AFF3: variants seen among roughly 807,000 people sequenced by gnomAD.
AFF3 encodes ALF transcription elongation factor 3.
Under a neutral mutation model 129.7 loss-of-function variants are expected in AFF3, and 32 were observed. The ratio of observed to expected loss-of-function variants is 0.25; its 90% CI spans 0.19 to 0.33. The LOEUF is 0.33. AFF3 is among the 10% of genes least tolerant of loss of function. The pLI, the probability that AFF3 is intolerant of heterozygous loss-of-function variation, is 1.00. For synonymous variants in AFF3, 644 were observed against 635.4 expected (o/e 1.01, Z -0.20); for missense variants, 1,373 against 1,592.0 (o/e 0.86, Z 2.34).
At chr2:99,866,637 C>T (rs925421170) in intron 7 of AFF3, among the ~76,000 whole-genome samples, 3 of 152,056 alleles carry the variant, frequency 2.0e-5, no homozygotes, top group Non-Finnish European at 2.9e-5. Flanking sequence ...GTCTGGGTCA[C>T]GCTGGGTCAT....
intron 7 of AFF3, among the ~76,000 whole-genome samples, chr2:99,908,655 G>A (rs1242241905): frequency 6.6e-6 from 1 of 152,118 alleles, no homozygotes; most frequent in Non-Finnish European, 1.5e-5. Flanking sequence ...CCATCAAAAA[G>A]TGGACAAAGG....
At chr2:99,759,843 T>C (rs545932315) in intron 8 of AFF3, among the ~76,000 whole-genome samples, 1 of 152,348 alleles carries the variant, frequency 6.6e-6, no homozygotes, top group African/African-American at 2.4e-5. Context: ...CAAGGGCGAA[T>C]GGACTATCCT....
intron 8 of AFF3, among the ~76,000 whole-genome samples, chr2:99,793,855 G>C (rs1250267441): frequency 6.6e-6 from 1 of 152,042 alleles, no homozygotes; most frequent in Non-Finnish European, 1.5e-5. Flanking sequence ...GATTCTTAAG[G>C]TGGAAACTCA....
chr2:99,793,798 T>C (rs1685375332), intron 8 of AFF3, among the ~76,000 whole-genome samples: 1 of 152,192 alleles, frequency 6.6e-6, no homozygotes, highest in Admixed American at 6.5e-5. Context: ...ATCTTTATTA[T>C]TTCTTCCTTC....
At chr2:99,814,787 T>C (rs191780851) in intron 8 of AFF3, among the ~76,000 whole-genome samples, 151 of 151,532 alleles carry the variant, frequency 1.0e-3, no homozygotes, top group African/African-American at 3.5e-3. Flanking sequence ...AGGCCCAAGG[T>C]GGAGGAAGGA....
At chr2:99,724,423 C>A (rs1242474441) in intron 11 of AFF3, among the ~76,000 whole-genome samples, 1 of 151,860 alleles carries the variant, frequency 6.6e-6, no homozygotes, top group Non-Finnish European at 1.5e-5. Flanking sequence ...CAGGCGCATG[C>A]CACCACACTC....
At chr2:99,877,952 A>G (rs559141515) in intron 7 of AFF3, among the ~76,000 whole-genome samples, 1 of 152,338 alleles carries the variant, frequency 6.6e-6, no homozygotes, top group South Asian at 2.1e-4. Flanking sequence ...GGATGAACAC[A>G]TCAAATCAAA....
At chr2:99,551,927 G>A (rs768006679) in intron 24 of AFF3, among the ~76,000 whole-genome samples, 2 of 152,074 alleles carry the variant, frequency 1.3e-5, no homozygotes, top group Non-Finnish European at 2.9e-5. Context: ...TGGCTCTGTC[G>A]TCCCTCACCC....
chr2:99,848,249 C>CAAAAA, intron 7 of AFF3, among the ~76,000 whole-genome samples: 1 of 59,394 alleles, frequency 1.7e-5, no homozygotes, highest in Non-Finnish European at 4.4e-5. Flanking sequence ...GACTCTGCCT[C>CAAAAA]AAAAAAATAA....
intron 4 of AFF3, among the ~76,000 whole-genome samples, chr2:100,061,379 GA>G (rs758550749): frequency 2.0e-5 from 3 of 152,024 alleles, no homozygotes; most frequent in Non-Finnish European, 4.4e-5. Context: ...TATTGTTGCT[GA>G]CTCTGCAGTG....
chr2:99,941,543 T>G (rs1007396307), intron 7 of AFF3, among the ~76,000 whole-genome samples: 26 of 152,236 alleles, frequency 1.7e-4, no homozygotes, highest in Non-Finnish European at 2.8e-4. Context: ...TGAATTTTGT[T>G]GGATAAGGCA....
In AFF3 at chr2:100,104,798, AGCC is replaced by A. The variant is rs1161664536; in HGVS notation, c.-64-283_-64-281del. 3.0e-3 allele frequency: 1,851 copies of A among 611,252 alleles called. 3 individuals carry two copies. The highest frequency in any genetic ancestry group is 0.01 in the East Asian group (50 of 4,914). The allele number at this position is 611,252 out of a possible 1,614,324, so 37.9% of individuals were successfully genotyped here. On this transcript the variant is annotated intron_variant, in intron 3 of 24. Transcript: ENST00000672756. Reference sequence around the variant, plus strand: ...TCGCGGCGGCCCGGCCCGCTGCTGCAGCCGCCGCCGCCGCCGCCGCCGCCGCGG... The same window carrying A: ...TCGCGGCGGCCCGGCCCGCTGCTGCAGCCGCCGCCGCCGCCGCCGCCGCGG...
rs1337356342 is a variant in AFF3, at chr2:99,649,661, T to C, written c.1149A>G (p.Ala383=). The part of the protein sequence containing the change: ...SSDEEENEQQ[A]AQRTALRALS... ...GAGCGCGGAGAGCCGTTCTCTGAGC[T>C]GCCTGCTGGAAGAAAGAAAGGGCAG... is the stretch of plus-strand genomic sequence containing the variant. Residue 383 remains alanine, a synonymous_variant, in exon 13 of 25, where the codon GCA becomes GCG. Coordinates refer to ENST00000672756, the MANE Select transcript of AFF3 (RefSeq NM_001386135.1). 1.2e-6 allele frequency: 2 copies of C among 1,614,076 alleles called. No homozygotes were observed. Among genetic ancestry groups the C allele is most frequent in the African/African-American group, 1.3e-5 (1 of 74,934 alleles).
chr2:99,754,077 T>C (rs145897569), intron 8 of AFF3, among the ~76,000 whole-genome samples: 209 of 152,320 alleles, frequency 1.4e-3, no homozygotes, highest in African/African-American at 4.9e-3. Flanking sequence ...AAGAAAGCCA[T>C]GAAGACACAA....
chr2:99,735,380 CTTTTG>C (rs1168068920), intron 10 of AFF3, among the ~76,000 whole-genome samples: 1 of 150,190 alleles, frequency 6.7e-6, no homozygotes, highest in African/African-American at 2.4e-5. Flanking sequence ...TTAATTTCTG[CTTTTG>C]TTTTTTTTTT....
intron 17 of AFF3, among the ~76,000 whole-genome samples, 180 bp downstream of exon 17, chr2:99,582,618 G>A (rs529342924): frequency 6.6e-6 from 1 of 152,160 alleles, no homozygotes; most frequent in Non-Finnish European, 1.5e-5. Flanking sequence ...CTTCTTCCCC[G>A]CTCTCTGTTG....
chr2:99,635,845 G>C (rs1683602543), intron 13 of AFF3, among the ~76,000 whole-genome samples: 1 of 152,114 alleles, frequency 6.6e-6, no homozygotes, highest in South Asian at 2.1e-4. Flanking sequence ...ATGGGATGAT[G>C]GCAGCAAGTC....
At chr2:100,070,825 T>A (rs1181391978) in intron 4 of AFF3, among the ~76,000 whole-genome samples, 2 of 151,884 alleles carry the variant, frequency 1.3e-5, no homozygotes, top group Non-Finnish European at 2.9e-5. Flanking sequence ...GTAATTATCT[T>A]TAACACCTAA....
At chr2:99,968,761 C>A (rs1373804569) in intron 7 of AFF3, among the ~76,000 whole-genome samples, 5 of 152,186 alleles carry the variant, frequency 3.3e-5, no homozygotes, top group Non-Finnish European at 7.3e-5. Flanking sequence ...AAGGCATGGG[C>A]AGCCACAACA....
Sources: allele counts gnomAD v4.1 joint callset (sites outside exome capture counted in the v4.1 genomes callset), GRCh38; gene constraint gnomAD v4.1.1; transcripts MANE v1.5; gene names NCBI Gene and HGNC (gene_info 2026-07-23, HGNC 2026-07-21).